PDE7B: variants seen among roughly 807,000 people sequenced by gnomAD.
The protein encoded by PDE7B is 3',5'-cyclic-AMP phosphodiesterase 7B.
PDE7B carries 29 observed loss-of-function variants against 56.2 expected under a neutral mutation model. That is an observed-to-expected ratio of 0.52 (90% CI 0.38 to 0.70). The LOEUF (loss-of-function observed/expected upper bound fraction) is 0.70, where lower values mean the gene tolerates loss of function less well. PDE7B is among the 30% of genes least tolerant of loss of function. PDE7B has a pLI of 0.00. For synonymous variants in PDE7B, 197 were observed against 196.9 expected, an observed-to-expected ratio of 1.00 and a Z score of 0.00; for missense variants, 490 against 565.0, an observed-to-expected ratio of 0.87 and a Z score of 1.35.
chr6:135,879,420 G>A lies in PDE7B; in HGVS notation c.21+27401G>A, dbSNP rs557574298. Among the ~76,000 whole-genome samples the A allele has an allele frequency of 8.5e-5, 13 of 152,126 alleles. No individual in the cohort carries two copies. In the South Asian group the frequency reaches 1.2e-3, roughly 15 times the overall value. ...ATAATAATATTCAGAACTGATCAGC[G>A]AGAAAGCCAGGCCTAGAACTCAAGG... On this transcript the variant is annotated intron_variant, in intron 1 of 12. Transcript: ENST00000308191.
chr6:136,129,334 TATACC>T (rs572152168), intron 3 of PDE7B, among the ~76,000 whole-genome samples: 1 of 152,140 alleles, frequency 6.6e-6, no homozygotes, highest in South Asian at 2.1e-4. Flanking sequence ...AGATGAGACA[TATACC>T]AGAGAGAATG....
At chr6:135,976,267 T>A (rs1775185729) in intron 2 of PDE7B, among the ~76,000 whole-genome samples, 1 of 152,176 alleles carries the variant, frequency 6.6e-6, no homozygotes, top group Non-Finnish European at 1.5e-5. Flanking sequence ...TTCTCCACAG[T>A]TCAACTTTTG....
rs116690735 is a variant in PDE7B, at chr6:135,890,492, A to T, written c.21+38473A>T. On this transcript the variant is annotated intron_variant, in intron 1 of 12. Coordinates refer to ENST00000308191, the MANE Select transcript of PDE7B (RefSeq NM_018945.4). ...TCCTACTGGAGATAAAACATAAGGAATATGTGCACAGCTTCAAAGGTGCAG... is the reference window on the plus strand; with the variant it reads ...TCCTACTGGAGATAAAACATAAGGATTATGTGCACAGCTTCAAAGGTGCAG... Among the ~76,000 whole-genome samples, 914 of 152,306 alleles carry T rather than the reference A, an allele frequency of 6.0e-3. 14 individuals carry two copies. The highest frequency in any genetic ancestry group is 0.021 in the African/African-American group (867 of 41,560).
At chr6:135,977,748 A>G (rs959484502) in intron 2 of PDE7B, among the ~76,000 whole-genome samples, 1 of 152,226 alleles carries the variant, frequency 6.6e-6, no homozygotes, top group Non-Finnish European at 1.5e-5. Context: ...AACATTGGCT[A>G]ATTCAGATGA....
intron 1 of PDE7B, among the ~76,000 whole-genome samples, chr6:135,936,520 A>G (rs1365297402): frequency 1.3e-5 from 2 of 152,196 alleles, no homozygotes; most frequent in Non-Finnish European, 2.9e-5. Context: ...GGCAGCTCAC[A>G]GTGTCGTCTG....
intron 2 of PDE7B, among the ~76,000 whole-genome samples, chr6:136,049,922 G>T (rs1409058165): frequency 6.9e-6 from 1 of 144,778 alleles, no homozygotes; most frequent in Non-Finnish European, 1.5e-5. Context: ...GTCTTTGAGA[G>T]GATCTAGTTA....
At chr6:136,059,592 A>G (rs1032219527) in intron 2 of PDE7B, among the ~76,000 whole-genome samples, 1 of 152,170 alleles carries the variant, frequency 6.6e-6, no homozygotes, top group African/African-American at 2.4e-5. Flanking sequence ...GCTTTGCTGC[A>G]GTTGAGCGGG....
chr6:135,867,033 G>GA (rs2128185789), intron 1 of PDE7B, among the ~76,000 whole-genome samples: 1 of 152,194 alleles, frequency 6.6e-6, no homozygotes, highest in African/African-American at 2.4e-5. Context: ...CTGTGTGGGG[G>GA]ATCTTTCGAG....
intron 1 of PDE7B, among the ~76,000 whole-genome samples, chr6:135,937,660 A>G (rs1239103705): frequency 3.3e-5 from 5 of 152,116 alleles, no homozygotes; most frequent in Non-Finnish European, 7.4e-5. Context: ...CCTAGAAGGG[A>G]CCCCTTTTTC....
At chr6:136,128,750 G>T (rs1583896414) in intron 3 of PDE7B, among the ~76,000 whole-genome samples, 1 of 152,170 alleles carries the variant, frequency 6.6e-6, no homozygotes, top group Non-Finnish European at 1.5e-5. Context: ...CTGAAGAACT[G>T]CTTTGCTGAA....
intron 2 of PDE7B, among the ~76,000 whole-genome samples, chr6:136,014,389 AT>A (rs561948134): frequency 2.6e-4 from 39 of 152,344 alleles, no homozygotes; most frequent in African/African-American, 9.4e-4. Flanking sequence ...GTGTGCATGT[AT>A]ACACATGATA....
intron 2 of PDE7B, among the ~76,000 whole-genome samples, chr6:136,007,281 C>G (rs980435187): frequency 1.3e-5 from 2 of 152,086 alleles, no homozygotes; most frequent in Non-Finnish European, 2.9e-5. Context: ...GATGGATTAG[C>G]CTTTTGATGT....
At chr6:136,155,792 TG>T (rs1317304116) in intron 8 of PDE7B, 34 bp downstream of exon 8, 1 of 1,610,586 alleles carries the variant, frequency 6.2e-7, no homozygotes, top group African/African-American at 1.3e-5. Context: ...AGCCACAGTA[TG>T]GTCAATCGCC....
At position 135,996,185 on chromosome 6, in the gene PDE7B, A is replaced by G. The variant is rs1775561713; in HGVS notation, c.82+48661A>G. ...AAATATATTGAGAATAATAGCATAT[A>G]ATTTTCTAATTTCAAAATTATGACT... On this transcript the variant is annotated intron_variant, in intron 2 of 12. Transcript: ENST00000308191. 3.3e-5 allele frequency among the ~76,000 whole-genome samples: 5 copies of G among 152,336 alleles called. No homozygotes were observed. In the South Asian group the frequency reaches 1.0e-3, roughly 32 times the overall value.
chr6:136,113,801 CCTT>C (rs1220955051), intron 3 of PDE7B, among the ~76,000 whole-genome samples: 1 of 152,190 alleles, frequency 6.6e-6, no homozygotes, highest in Non-Finnish European at 1.5e-5. Context: ...GCAATTACAA[CCTT>C]CTGCAGAGCA....
At chr6:136,073,758 A>G (rs1777086562) in intron 2 of PDE7B, among the ~76,000 whole-genome samples, 1 of 152,204 alleles carries the variant, frequency 6.6e-6, no homozygotes, top group Non-Finnish European at 1.5e-5. Flanking sequence ...ACAGCCACAC[A>G]TAGTAAAAAT....
chr6:136,170,538 A>C (rs1023757570), intron 8 of PDE7B, among the ~76,000 whole-genome samples: 2 of 152,150 alleles, frequency 1.3e-5, no homozygotes, highest in Admixed American at 1.3e-4. Context: ...CCTCATACAC[A>C]TGAAATTATA....
chr6:136,170,204 G>C (rs1017231247), intron 8 of PDE7B, among the ~76,000 whole-genome samples: 1 of 152,058 alleles, frequency 6.6e-6, no homozygotes, highest in Admixed American at 6.6e-5. Context: ...ATAATATAAT[G>C]GGATGGTTTT....
rs1012041582 is a variant in PDE7B, at chr6:136,045,075, C to T, written c.83-63656C>T. On this transcript the variant is annotated intron_variant, in intron 2 of 12. Coordinates refer to ENST00000308191, the MANE Select transcript of PDE7B (RefSeq NM_018945.4). ...TTCAAGTTTTTTTTTTTTTAACTCA[C>T]GAAAGTAACTGAAACTGTGTACTGT... The T allele has an allele frequency of 4.0e-5, 6 of 149,706 alleles. No individual in the cohort carries two copies. In the East Asian group the frequency reaches 5.8e-4, roughly 15 times the overall value. 9.3% of individuals were successfully genotyped at this position (149,706 alleles called of 1,614,324 possible).
Sources: gnomAD v4.1 joint callset for allele counts (sites outside exome capture counted in the v4.1 genomes callset) on GRCh38, gnomAD v4.1.1 for gene constraint, MANE v1.5 for transcripts, NCBI Gene and HGNC (gene_info 2026-07-23, HGNC 2026-07-21) for gene names.